Variants in MYO10 observed in about 807,000 individuals in gnomAD.
MYO10 encodes the protein unconventional myosin-X.
Under a neutral mutation model 257.3 loss-of-function variants are expected in MYO10, and 133 were observed. The ratio of observed to expected loss-of-function variants is 0.52; its 90% CI spans 0.45 to 0.60. The LOEUF is 0.60. Ranked by LOEUF, MYO10 falls within the 20% of genes least tolerant of loss-of-function variation. The probability of loss-of-function intolerance (pLI) is 0.00; values close to 1 mark genes in which losing one functional copy is unlikely to be tolerated. For missense variants in MYO10, 2,399 were observed against 2,635.7 expected, an observed-to-expected ratio of 0.91 and a Z score of 1.97; for synonymous variants, 1,104 against 1,028.6, an observed-to-expected ratio of 1.07 and a Z score of -1.40.
intron 1 of MYO10, among the ~76,000 whole-genome samples, chr5:16,926,469 A>T (rs1484711318): frequency 1.3e-5 from 2 of 152,176 alleles, no homozygotes; most frequent in Non-Finnish European, 2.9e-5. Context: ...CCGGAGGCCA[A>T]GGCTAGTGGA....
At chr5:16,729,372 T>C (rs1739491580) in intron 19 of MYO10, among the ~76,000 whole-genome samples, 1 of 152,170 alleles carries the variant, frequency 6.6e-6, no homozygotes, top group Non-Finnish European at 1.5e-5. Flanking sequence ...TTACCTAAAT[T>C]GTACAACGAT....
chr5:16,866,534 C>A (rs1304109753), intron 2 of MYO10, among the ~76,000 whole-genome samples: 1 of 152,020 alleles, frequency 6.6e-6, no homozygotes, highest in Non-Finnish European at 1.5e-5. Context: ...CACAGGAACC[C>A]AGAGGTTAAT....
intron 19 of MYO10, among the ~76,000 whole-genome samples, chr5:16,746,195 A>T (rs528719485): frequency 6.6e-6 from 1 of 152,272 alleles, no homozygotes; most frequent in East Asian, 1.9e-4. Context: ...TGGCATTTGT[A>T]AACTGTCACG....
chr5:16,814,851 C>G lies in MYO10; in HGVS notation c.279+3158G>C, dbSNP rs556564449. On this transcript the variant is annotated intron_variant, in intron 3 of 40. Transcript: ENST00000513610. ...TAGAAAGGAAGAATATGACCTTATT[C>G]CAAGACCAAGATCTTATTCATAGTA... 3 of 152,248 alleles carry G rather than the reference C, an allele frequency of 2.0e-5. No individual in the cohort carries two copies. The South Asian group carries it at 6.2e-4, about 32-fold the overall frequency. 9.4% of individuals were successfully genotyped at this position (152,248 alleles called of 1,614,324 possible). A position where few individuals can be genotyped will look rare whatever the true frequency, so the allele number is the denominator to read the frequency against.
rs901402031 is a variant in MYO10, at chr5:16,663,370, A to C, written c.*3322T>G. 3 of 78,124 alleles carry C rather than the reference A, an allele frequency of 3.8e-5. No homozygotes were observed. Among genetic ancestry groups the C allele is most frequent in the African/African-American group, 1.9e-4 (3 of 15,474 alleles). 4.8% of individuals were successfully genotyped at this position (78,124 alleles called of 1,614,324 possible). On this transcript the variant is annotated 3_prime_UTR_variant, in exon 41 of 41. Transcript: ENST00000513610. ...TTTTTTTTTTTTTTTTTTTTTTTACAAATCACCTATATGTATTAGCTTTCA... is the reference window on the plus strand; with the variant it reads ...TTTTTTTTTTTTTTTTTTTTTTTACCAATCACCTATATGTATTAGCTTTCA...
At position 16,665,707 on chromosome 5, in the gene MYO10, T is replaced by TC. The variant is rs1736133792; in HGVS notation, c.*984_*985insG. 1 of 152,516 alleles carries TC rather than the reference T, an allele frequency of 6.6e-6. No individual in the cohort carries two copies. 9.4% of individuals were successfully genotyped at this position (152,516 alleles called of 1,614,324 possible). On this transcript the variant is annotated 3_prime_UTR_variant, in exon 41 of 41. Coordinates refer to ENST00000513610, the MANE Select transcript of MYO10 (RefSeq NM_012334.3). ...AGCTAACCTTCCAAGTAACACTTTG[T>TC]TTTTAACTTAAATCTTTTAGACATG...
intron 4 of MYO10, among the ~76,000 whole-genome samples, chr5:16,787,111 G>A (rs1358841010): frequency 1.3e-5 from 2 of 152,176 alleles, no homozygotes; most frequent in Non-Finnish European, 1.5e-5. Context: ...GGAGGTTGCA[G>A]TGAGCAGAGA....
chr5:16,753,881 A>G (rs181944924), intron 19 of MYO10, among the ~76,000 whole-genome samples: 23 of 152,346 alleles, frequency 1.5e-4, no homozygotes, highest in Non-Finnish European at 3.2e-4. Context: ...GCATCAGTCA[A>G]ATTACCAGAA....
At chr5:16,806,700 C>T (rs935039223) in intron 3 of MYO10, among the ~76,000 whole-genome samples, 1 of 151,940 alleles carries the variant, frequency 6.6e-6, no homozygotes, top group Non-Finnish European at 1.5e-5. Flanking sequence ...ACTCAGTGGC[C>T]TCATACAGGA....
intron 19 of MYO10, among the ~76,000 whole-genome samples, chr5:16,722,098 T>G (rs1377446681): frequency 6.6e-6 from 1 of 152,228 alleles, no homozygotes; most frequent in Admixed American, 6.5e-5. Context: ...GTACCATCTG[T>G]TGAGCCTGAT....
chr5:16,930,686 C>T (rs1746269945), intron 1 of MYO10, among the ~76,000 whole-genome samples: 1 of 152,186 alleles, frequency 6.6e-6, no homozygotes. Context: ...TCTGTAAGTC[C>T]TCTCTCAAAT....
At position 16,704,617 on chromosome 5, in the gene MYO10, G is replaced by A. The variant is rs770547370; in HGVS notation, c.2238C>T (p.Ala746=). The change falls in exon 22 of 41, where the codon GCC becomes GCT. Residue 746 remains alanine, a synonymous_variant. Coordinates refer to ENST00000513610, the MANE Select transcript of MYO10 (RefSeq NM_012334.3). The part of the protein sequence containing the change: ...KRREEEVSHA[A]MVIRAHVLGF... ...CCAAGACATGGGCCCGAATCACCAT[G>A]GCCGCGTGGCTCACTTCCTCTTCCC... is the stretch of plus-strand genomic sequence containing the variant. 6.2e-6 allele frequency: 10 copies of A among 1,613,810 alleles called. No individual in the cohort carries two copies. Among genetic ancestry groups the A allele is most frequent in the Non-Finnish European group, 8.5e-6 (10 of 1,179,896 alleles).
Position 16,703,077 on chromosome 5 carries a change from CA to C in MYO10, c.2357del (p.Leu786CysfsTer3). 1 of 1,570,432 alleles carries C rather than the reference CA, an allele frequency of 6.4e-7. No homozygotes were observed. The highest frequency in any genetic ancestry group is 8.6e-7 in the Non-Finnish European group (1 of 1,156,150). ...AAACTATGGCTGCCTTTTTCAGGTG[CA>C]AAAATCTCCTCCTCAGAAGGAATGC... Reference protein sequence around the residue: ...YRAFLLRRRFLHLKKAAIVFQ... With the variant: ...YRAFLLRRRFXHLKKAAIVFQ... On this transcript the variant is annotated frameshift_variant, in exon 23 of 41. Coordinates refer to ENST00000513610, the MANE Select transcript of MYO10 (RefSeq NM_012334.3). LOFTEE classifies it high-confidence loss of function.
intron 14 of MYO10, 133 bp from the exon 15 acceptor site, chr5:16,762,770 C>G: frequency 1.6e-6 from 1 of 612,112 alleles, no homozygotes; most frequent in Non-Finnish European, 2.8e-6. Context: ...TCCAGACCAG[C>G]CTGGCCAACA....
chr5:16,671,077 C>T, intron 38 of MYO10, 99 bp from the exon 39 acceptor site: 4 of 1,125,498 alleles, frequency 3.6e-6, no homozygotes, highest in Non-Finnish European at 5.0e-6. Context: ...TTCTCTCAAA[C>T]TCACCTTCCC....
At chr5:16,687,493 C>T (rs188324903) in intron 28 of MYO10, among the ~76,000 whole-genome samples, 133 of 151,284 alleles carry the variant, frequency 8.8e-4, no homozygotes, top group African/African-American at 3.0e-3. Context: ...TATCCTTCTC[C>T]TGCTGGGGGC....
chr5:16,691,068 G>A (rs1737477587), intron 27 of MYO10, among the ~76,000 whole-genome samples: 1 of 151,582 alleles, frequency 6.6e-6, no homozygotes, highest in Non-Finnish European at 1.5e-5. Context: ...AGGAGATCGA[G>A]ACCATCCTGG....
Position 16,681,417 on chromosome 5 carries a change from G to C in MYO10, c.4276C>G (p.Leu1426Val). 1 of 1,613,958 alleles carries C rather than the reference G, an allele frequency of 6.2e-7. No individual in the cohort carries two copies. The change falls in exon 32 of 41, where the codon CTG (leucine) becomes GTG (valine). Residue 1426 changes from leucine (L) to valine (V), a missense_variant. Coordinates refer to ENST00000513610, the MANE Select transcript of MYO10 (RefSeq NM_012334.3). ...TTCTCTGAACTCTTGTAGTAATCCAGGGAATTGTGGGTGAGTACAAACCAC... is the reference window on the plus strand; with the variant it reads ...TTCTCTGAACTCTTGTAGTAATCCACGGAATTGTGGGTGAGTACAAACCAC... ...KRWFVLTHNS[L>V]DYYKSSEKNA...
chr5:16,849,134 T>C (rs1447004252), intron 2 of MYO10, among the ~76,000 whole-genome samples: 1 of 152,134 alleles, frequency 6.6e-6, no homozygotes, highest in African/African-American at 2.4e-5. Context: ...AATTAGGTAT[T>C]TTTAAAGTAC....
Sources: gnomAD v4.1 joint callset for allele counts (sites outside exome capture counted in the v4.1 genomes callset) on GRCh38, gnomAD v4.1.1 for gene constraint, MANE v1.5 for transcripts, NCBI Gene and HGNC (gene_info 2026-07-23, HGNC 2026-07-21) for gene names.